ARFIP1: variants seen among roughly 807,000 people sequenced by gnomAD.
ARFIP1 encodes the protein ARF interacting protein 1.
ARFIP1 carries 24 observed loss-of-function variants against 42.5 expected under a neutral mutation model. That is an observed-to-expected ratio of 0.57 (90% CI 0.41 to 0.80). The LOEUF (loss-of-function observed/expected upper bound fraction) is 0.80, where lower values mean the gene tolerates loss of function less well. Among genes scored for constraint, ARFIP1 ranks in the 30% least tolerant of loss-of-function variants. The probability of loss-of-function intolerance (pLI) is 0.00; values close to 1 mark genes in which losing one functional copy is unlikely to be tolerated. For missense variants in ARFIP1, 354 were observed against 434.0 expected, an observed-to-expected ratio of 0.82 and a Z score of 1.64; for synonymous variants, 141 against 153.7, an observed-to-expected ratio of 0.92 and a Z score of 0.61.
chr4:152,851,318 A>T (rs1174468058), intron 2 of ARFIP1, among the ~76,000 whole-genome samples: 1 of 152,200 alleles, frequency 6.6e-6, no homozygotes, highest in East Asian at 1.9e-4. Context: ...GCATGGAAAG[A>T]TTACCTGAGT....
At chr4:152,780,794 G>C (rs1022921435) in intron 1 of ARFIP1, among the ~76,000 whole-genome samples, 2 of 152,212 alleles carry the variant, frequency 1.3e-5, no homozygotes, top group African/African-American at 4.8e-5. Flanking sequence ...TGTTTGCCAA[G>C]TTACTACTGT....
chr4:152,829,838 A>T (rs1731132709), intron 2 of ARFIP1, 112 bp downstream of exon 2: 2 of 828,980 alleles, frequency 2.4e-6, no homozygotes, highest in African/African-American at 3.4e-5. Flanking sequence ...GATTGGCTTC[A>T]GTCAGGAATC....
chr4:152,888,760 C>G (rs1185704810), intron 8 of ARFIP1, among the ~76,000 whole-genome samples: 1 of 152,076 alleles, frequency 6.6e-6, no homozygotes, highest in Admixed American at 6.6e-5. Context: ...GAGAAGGAAG[C>G]CAAGAGATCC....
chr4:152,803,696 T>G (rs1195809169), intron 1 of ARFIP1, among the ~76,000 whole-genome samples: 3 of 152,046 alleles, frequency 2.0e-5, no homozygotes, highest in Non-Finnish European at 4.4e-5. Context: ...CCTAGTTTAA[T>G]TCTGCAACTG....
At chr4:152,888,489 T>C (rs1736455586) in intron 8 of ARFIP1, among the ~76,000 whole-genome samples, 182 bp downstream of exon 8, 2 of 152,160 alleles carry the variant, frequency 1.3e-5, no homozygotes, top group Admixed American at 1.3e-4. Context: ...TGATAAAAGT[T>C]ATCAATGCCA....
At chr4:152,887,623 AAATT>A (rs889909371) in intron 7 of ARFIP1, among the ~76,000 whole-genome samples, 1 of 152,096 alleles carries the variant, frequency 6.6e-6, no homozygotes, top group Non-Finnish European at 1.5e-5. Flanking sequence ...ATAACAGGTG[AAATT>A]AATTATTATT....
intron 1 of ARFIP1, chr4:152,796,465 C>A: frequency 1.4e-6 from 1 of 734,954 alleles, no homozygotes. Context: ...TCTCCCTGGG[C>A]ACATACTTTA....
At chr4:152,807,087 T>C (rs1341246880) in intron 1 of ARFIP1, 1 of 152,058 alleles carries the variant, frequency 6.6e-6, no homozygotes, top group African/African-American at 2.4e-5. Context: ...TAATCAAGAG[T>C]TGTTGCATGC....
chr4:152,809,354 A>T (rs770778289), intron 1 of ARFIP1, among the ~76,000 whole-genome samples: 2 of 152,116 alleles, frequency 1.3e-5, no homozygotes, highest in Admixed American at 6.5e-5. Context: ...AAAGTCCATC[A>T]TTAGGTTAAT....
intron 2 of ARFIP1, among the ~76,000 whole-genome samples, chr4:152,834,538 A>T (rs912822069): frequency 6.6e-6 from 1 of 152,224 alleles, no homozygotes; most frequent in African/African-American, 2.4e-5. Flanking sequence ...GGCCCCACAC[A>T]AATCTGAAAC....
intron 2 of ARFIP1, among the ~76,000 whole-genome samples, chr4:152,840,885 A>G (rs772352964): frequency 6.7e-6 from 1 of 150,300 alleles, no homozygotes; most frequent in Non-Finnish European, 1.5e-5. Context: ...ACGCCCAGCT[A>G]TTTTTTGTAT....
At chr4:152,834,975 G>A (rs1273586060) in intron 2 of ARFIP1, among the ~76,000 whole-genome samples, 2 of 152,204 alleles carry the variant, frequency 1.3e-5, no homozygotes, top group African/African-American at 2.4e-5. Context: ...TCCCAAGGTT[G>A]CACAGGGCAG....
At chr4:152,859,192 G>A (rs1274294104) in intron 2 of ARFIP1, among the ~76,000 whole-genome samples, 1 of 152,152 alleles carries the variant, frequency 6.6e-6, no homozygotes, top group Non-Finnish European at 1.5e-5. Context: ...CTTCCAAGTA[G>A]CTAGGACTAT....
chr4:152,782,491 C>G (rs761846379), intron 1 of ARFIP1, among the ~76,000 whole-genome samples: 11 of 152,188 alleles, frequency 7.2e-5, no homozygotes, highest in African/African-American at 2.7e-4. Context: ...GATTTACAAA[C>G]TGATGTGCCT....
At chr4:152,829,038 G>T (rs990947820) in intron 1 of ARFIP1, among the ~76,000 whole-genome samples, 1 of 152,192 alleles carries the variant, frequency 6.6e-6, no homozygotes, top group African/African-American at 2.4e-5. Flanking sequence ...CTACATTAAT[G>T]TGGGTCTGTT....
At chr4:152,906,231 G>A (rs1203927858) in intron 8 of ARFIP1, among the ~76,000 whole-genome samples, 1 of 152,068 alleles carries the variant, frequency 6.6e-6, no homozygotes, top group Admixed American at 6.5e-5. Flanking sequence ...ATCTAGTCAT[G>A]TGGCTTTAAA....
At chr4:152,850,276 A>G (rs888917693) in intron 2 of ARFIP1, among the ~76,000 whole-genome samples, 4 of 152,192 alleles carry the variant, frequency 2.6e-5, no homozygotes, top group Non-Finnish European at 5.9e-5. Context: ...CAGCGAATAT[A>G]TCAGCTTGGA....
chr4:152,829,417 A>G (rs1731095167), intron 1 of ARFIP1, among the ~76,000 whole-genome samples: 1 of 152,124 alleles, frequency 6.6e-6, no homozygotes, highest in Admixed American at 6.5e-5. Flanking sequence ...TATGTAACTC[A>G]TTTTTAATTA....
intron 2 of ARFIP1, among the ~76,000 whole-genome samples, chr4:152,851,082 G>T (rs753251104): frequency 5.9e-5 from 9 of 152,176 alleles, no homozygotes; most frequent in Non-Finnish European, 1.2e-4. Flanking sequence ...GGAAGGTTTT[G>T]TCCCTTTTGA....
Sources: gnomAD v4.1 joint callset for allele counts (sites outside exome capture counted in the v4.1 genomes callset) on GRCh38, gnomAD v4.1.1 for gene constraint, MANE v1.5 for transcripts, NCBI Gene and HGNC (gene_info 2026-07-23, HGNC 2026-07-21) for gene names.